The following QTGAL variants were observed in gnomAD, a reference collection of about 807,000 sequenced individuals.
QTGAL encodes queuosine-tRNA galactosyltransferase.
chr17:82,947,228 TCTA>T, the QTGAL span: 1 of 519,528 alleles, frequency 1.9e-6, no homozygotes, highest in East Asian at 3.1e-5. Context: ...GCCTTGCCTC[TCTA>T]CATAAGGTGG....
chr17:82,963,169 A>G, the QTGAL span, among the ~76,000 whole-genome samples: 71,633 of 152,010 alleles, frequency 0.47, 17,036 homozygotes, highest in South Asian at 0.53. Flanking sequence ...TGGAGCACCC[A>G]GAACTGCCTG....
chr17:83,051,166 C>A, the QTGAL span, among the ~76,000 whole-genome samples: 1 of 45,662 alleles, frequency 2.2e-5, no homozygotes, highest in Non-Finnish European at 4.3e-5. Flanking sequence ...TGTGCGGGGG[C>A]GGGGCAGGTG....
At chr17:82,949,272 T>C in the QTGAL span, 12 of 152,180 alleles carry the variant, frequency 7.9e-5, no homozygotes, top group Non-Finnish European at 1.5e-4. Flanking sequence ...TGAGCGAAAT[T>C]ATGTATATAT....
chr17:83,042,222 G>A, the QTGAL span, among the ~76,000 whole-genome samples: 10 of 152,182 alleles, frequency 6.6e-5, no homozygotes, highest in Middle Eastern at 3.4e-3. Flanking sequence ...CAAAACTTAC[G>A]CAGGCGTGCT....
the QTGAL span, among the ~76,000 whole-genome samples, chr17:83,014,093 G>A: frequency 6.6e-6 from 1 of 152,166 alleles, no homozygotes. Flanking sequence ...CCGTTCTAAA[G>A]ATAAAAACCG....
At chr17:83,000,674 C>A in the QTGAL span, among the ~76,000 whole-genome samples, 1 of 152,186 alleles carries the variant, frequency 6.6e-6, no homozygotes, top group East Asian at 1.9e-4. Flanking sequence ...CTAGGCCATG[C>A]TGTTTGTCTG....
At chr17:82,996,961 G>C in the QTGAL span, among the ~76,000 whole-genome samples, 3 of 152,064 alleles carry the variant, frequency 2.0e-5, no homozygotes, top group African/African-American at 7.2e-5. Context: ...AAACATTGGG[G>C]AAATTCTCTA....
chr17:83,048,628 TACACTGG>T, the QTGAL span: 4 of 1,606,312 alleles, frequency 2.5e-6, no homozygotes, highest in Non-Finnish European at 3.4e-6. Flanking sequence ...AACCGTTGCT[TACACTGG>T]GGCTGAGTCA....
At chr17:82,980,528 G>A in the QTGAL span, among the ~76,000 whole-genome samples, 1 of 152,150 alleles carries the variant, frequency 6.6e-6, no homozygotes, top group Non-Finnish European at 1.5e-5. Flanking sequence ...GCTATAAATC[G>A]GGGTTCCCAC....
chr17:82,988,918 T>A, the QTGAL span, among the ~76,000 whole-genome samples: 2 of 152,194 alleles, frequency 1.3e-5, no homozygotes, highest in African/African-American at 4.8e-5. Context: ...TGTAAATTAG[T>A]CCAACCATTG....
chr17:82,944,380 GAT>G, the QTGAL span: 25 of 152,224 alleles, frequency 1.6e-4, no homozygotes, highest in Non-Finnish European at 3.4e-4. Flanking sequence ...GGGTCCAGGT[GAT>G]AGAGTTTGGC....
the QTGAL span, chr17:83,048,336 G>A: frequency 1.3e-6 from 1 of 794,666 alleles, no homozygotes; most frequent in South Asian, 1.6e-5. Flanking sequence ...CCTCTACTAG[G>A]TTCTTAATAA....
At chr17:83,023,349 C>T in the QTGAL span, among the ~76,000 whole-genome samples, 1 of 150,340 alleles carries the variant, frequency 6.7e-6, no homozygotes, top group African/African-American at 2.4e-5. Context: ...CTCACATGAG[C>T]TTAGCACTGT....
the QTGAL span, among the ~76,000 whole-genome samples, chr17:82,968,490 G>C: frequency 3.3e-5 from 5 of 151,916 alleles, no homozygotes; most frequent in African/African-American, 1.2e-4. Flanking sequence ...ATGTCTGTCA[G>C]CAACAGGGAA....
At chr17:82,946,569 A>AGTTGTGTGTGTGTGTGTGTGTGTGTGTGT in the QTGAL span, among the ~76,000 whole-genome samples, 1 of 150,192 alleles carries the variant, frequency 6.7e-6, no homozygotes, top group South Asian at 2.2e-4. Flanking sequence ...ACAGAACCCA[A>AGTTGTGTGTGTGTGTGTGTGTGTGTGTGT]GTGTGTGTGT....
At chr17:82,946,342 G>C in the QTGAL span, among the ~76,000 whole-genome samples, 3 of 152,288 alleles carry the variant, frequency 2.0e-5, no homozygotes, top group East Asian at 5.8e-4. Flanking sequence ...GTGTTATTAG[G>C]AATAGATTAC....
At chr17:82,963,727 T>A in the QTGAL span, among the ~76,000 whole-genome samples, 1 of 152,122 alleles carries the variant, frequency 6.6e-6, no homozygotes, top group Non-Finnish European at 1.5e-5. Flanking sequence ...TGGCTAGGGC[T>A]GGCAGGTGGC....
chr17:82,970,613 TCCCCACCCGGC>T, the QTGAL span, among the ~76,000 whole-genome samples: 18 of 134,162 alleles, frequency 1.3e-4, 1 homozygote, highest in Admixed American at 2.5e-4. Context: ...GGCCGCGACC[TCCCCACCCGGC>T]GTGGCCGCGA....
chr17:82,969,598 C>G, the QTGAL span, among the ~76,000 whole-genome samples: 1 of 152,220 alleles, frequency 6.6e-6, no homozygotes, highest in Non-Finnish European at 1.5e-5. Context: ...TCGCCTGAGG[C>G]CAGGAGTTTG....
Sources: gnomAD v4.1 joint callset for allele counts (sites outside exome capture counted in the v4.1 genomes callset) on GRCh38, gnomAD v4.1.1 for gene constraint, MANE v1.5 for transcripts, NCBI Gene and HGNC (gene_info 2026-07-23, HGNC 2026-07-21) for gene names.